Variants in COLEC11 observed in about 807,000 individuals in gnomAD.
The protein encoded by COLEC11 is collectin subfamily member 11.
A neutral mutation model predicts 27.3 loss-of-function variants in COLEC11; 20 were observed. The observed-to-expected ratio is 0.73, with a 90% CI of 0.51 to 1.06. The LOEUF (loss-of-function observed/expected upper bound fraction) is 1.06. Among genes scored for constraint, COLEC11 ranks in the 50% least tolerant of loss-of-function variants. COLEC11 has a pLI of 0.00. For synonymous variants in COLEC11, 163 were observed against 154.7 expected (o/e 1.05, Z -0.40); for missense variants, 310 against 383.0 (o/e 0.81, Z 1.59).
intron 5 of COLEC11, among the ~76,000 whole-genome samples, chr2:3,643,081 C>T (rs1395594382): frequency 6.6e-6 from 1 of 152,232 alleles, no homozygotes; most frequent in African/African-American, 2.4e-5. Context: ...TGGAGGCCTG[C>T]TGGCCATCCC....
At chr2:3,632,379 T>C (rs1665080952) in intron 3 of COLEC11, among the ~76,000 whole-genome samples, 1 of 152,196 alleles carries the variant, frequency 6.6e-6, no homozygotes, top group Admixed American at 6.5e-5. Flanking sequence ...ACAGAGATGA[T>C]TTCCTCCCGG....
chr2:3,604,966 T>TTTTTTTTTTTTTTTTTTTTTG, intron 2 of COLEC11: 1 of 390,108 alleles, frequency 2.6e-6, no homozygotes, highest in East Asian at 7.9e-5. Context: ...AGACAGGAAC[T>TTTTTTTTTTTTTTTTTTTTTG]TTTTTTTTTC....
At chr2:3,633,818 G>A (rs139944013) in intron 3 of COLEC11, among the ~76,000 whole-genome samples, 1,622 of 152,268 alleles carry the variant, frequency 0.011, 32 homozygotes, top group African/African-American at 0.036. Context: ...CTCATGGTCA[G>A]CACAGAACCT....
chr2:3,625,933 GA>G (rs1247625047), intron 3 of COLEC11: 1 of 1,351,524 alleles, frequency 7.4e-7, no homozygotes, highest in African/African-American at 1.4e-5. Context: ...ATACCTGGCA[GA>G]CTTTGCAAAG....
intron 3 of COLEC11, among the ~76,000 whole-genome samples, chr2:3,627,786 CACG>C (rs1352993681): frequency 3.3e-5 from 5 of 151,406 alleles, no homozygotes; most frequent in African/African-American, 7.3e-5. Context: ...TGAATCTGGG[CACG>C]ACGATGCTGG....
At chr2:3,600,669 G>A (rs1662152937) in intron 1 of COLEC11, among the ~76,000 whole-genome samples, 1 of 152,254 alleles carries the variant, frequency 6.6e-6, no homozygotes, top group Admixed American at 6.5e-5. Context: ...GTGGATGGGA[G>A]CGGGGCTGGG....
intron 3 of COLEC11, 50 bp from the exon 4 acceptor site, chr2:3,637,483 C>A: frequency 6.9e-7 from 1 of 1,449,148 alleles, no homozygotes; most frequent in Non-Finnish European, 9.7e-7. Context: ...TGGAGGAGGC[C>A]ACGGTGTCAC....
At chr2:3,613,849 G>A (rs1461380766) in intron 3 of COLEC11, among the ~76,000 whole-genome samples, 1 of 152,202 alleles carries the variant, frequency 6.6e-6, no homozygotes, top group African/African-American at 2.4e-5. Flanking sequence ...ACGTGTAAAG[G>A]AAATGTATCA....
chr2:3,643,873 G>T lies in COLEC11; in HGVS notation c.571G>T (p.Ala191Ser). 1 of 1,613,718 alleles carries T rather than the reference G, an allele frequency of 6.2e-7. No homozygotes were observed. The highest frequency in any genetic ancestry group is 8.5e-7 in the Non-Finnish European group (1 of 1,180,010). ...KDEAANGLMA[A>S]YLAQAGLARV... Reference sequence around the variant, plus strand: ...CGAGGCTGCCAATGGCCTGATGGCCGCATACCTGGCGCAAGCCGGCCTGGC... The same window carrying T: ...CGAGGCTGCCAATGGCCTGATGGCCTCATACCTGGCGCAAGCCGGCCTGGC... Residue 191 changes from alanine to serine, a missense_variant, in exon 7 of 7, where the codon GCA (alanine) becomes TCA (serine). Coordinates refer to ENST00000349077, the MANE Select transcript of COLEC11 (RefSeq NM_024027.5).
chr2:3,616,031 C>A (rs1663690509), intron 3 of COLEC11, among the ~76,000 whole-genome samples: 1 of 151,460 alleles, frequency 6.6e-6, no homozygotes, highest in South Asian at 2.1e-4. Context: ...AGGGGCTCCT[C>A]ACCTCTGAGG....
intron 2 of COLEC11, 47 bp from the exon 3 acceptor site, chr2:3,613,264 C>T (rs757429028): frequency 3.1e-5 from 49 of 1,565,096 alleles, no homozygotes; most frequent in Middle Eastern, 1.7e-4. Context: ...CTCTGAGACG[C>T]TGTGCTGGCC....
intron 2 of COLEC11, among the ~76,000 whole-genome samples, chr2:3,607,151 G>A (rs934572957): frequency 2.6e-5 from 4 of 151,312 alleles, no homozygotes; most frequent in African/African-American, 7.3e-5. Context: ...GAATCTTCCT[G>A]AGCACACGAG....
chr2:3,633,636 G>A (rs1048949771), intron 3 of COLEC11, among the ~76,000 whole-genome samples: 4 of 152,126 alleles, frequency 2.6e-5, no homozygotes, highest in Admixed American at 6.6e-5. Flanking sequence ...GCTGACCGAC[G>A]GGGGAGCGGC....
At chr2:3,604,072 A>G in intron 1 of COLEC11, 1 of 592,572 alleles carries the variant, frequency 1.7e-6, no homozygotes, top group Non-Finnish European at 3.0e-6. Flanking sequence ...CCTTCAATCA[A>G]GGCTCACTGA....
chr2:3,625,200 A>G (rs1455255044), intron 3 of COLEC11, among the ~76,000 whole-genome samples: 2 of 151,990 alleles, frequency 1.3e-5, no homozygotes, highest in East Asian at 3.9e-4. Context: ...TCCTTCTCCC[A>G]CTTAGAAGTG....
In COLEC11 at chr2:3,604,178, G is replaced by A. The variant is rs1662449405; in HGVS notation, c.-26-137G>A. 2.1e-5 allele frequency: 19 copies of A among 884,360 alleles called. No homozygotes were observed. In the East Asian group the frequency reaches 3.1e-4, roughly 15 times the overall value. The allele number at this position is 884,360 out of a possible 1,614,324, so 54.8% of individuals were successfully genotyped here. A position where few individuals can be genotyped will look rare whatever the true frequency, so the allele number is the denominator to read the frequency against. ...CATGATTGGTGCTTGAGTGAGTGAG[G>A]AGCACCCGCCATGGGGGCCCAGACA... is the stretch of plus-strand genomic sequence containing the variant. On this transcript the variant is annotated intron_variant, in intron 1 of 6. Transcript: ENST00000349077.
At chr2:3,634,846 T>C (rs1034016317) in intron 3 of COLEC11, among the ~76,000 whole-genome samples, 6 of 151,940 alleles carry the variant, frequency 3.9e-5, no homozygotes, top group African/African-American at 4.8e-5. Flanking sequence ...CCCCTCCCTC[T>C]GTGAGACCTC....
chr2:3,637,480 G>T, intron 3 of COLEC11, 53 bp from the exon 4 acceptor site: 1 of 1,411,766 alleles, frequency 7.1e-7, no homozygotes, highest in Non-Finnish European at 1.0e-6. Context: ...TGATGGAGGA[G>T]GCCACGGTGT....
At chr2:3,597,372 G>C (rs1426661718) in intron 1 of COLEC11, among the ~76,000 whole-genome samples, 1 of 151,202 alleles carries the variant, frequency 6.6e-6, no homozygotes, top group Non-Finnish European at 1.5e-5. Flanking sequence ...TCCCACCTGG[G>C]CTGCTCCGGG....
Sources: gnomAD v4.1 joint callset for allele counts (sites outside exome capture counted in the v4.1 genomes callset) on GRCh38, gnomAD v4.1.1 for gene constraint, MANE v1.5 for transcripts, NCBI Gene and HGNC (gene_info 2026-07-23, HGNC 2026-07-21) for gene names.